Variants in PARD3 observed in about 807,000 individuals in gnomAD.
PARD3 encodes partitioning defective 3 homolog.
Under a neutral mutation model 155.4 loss-of-function variants are expected in PARD3, and 75 were observed. That is an observed-to-expected ratio of 0.48 (90% CI 0.40 to 0.58). The LOEUF (loss-of-function observed/expected upper bound fraction) is 0.58. Ranked by LOEUF, PARD3 falls within the 20% of genes least tolerant of loss-of-function variation. PARD3 has a pLI of 0.00. For missense variants in PARD3, 1,642 were observed against 1,721.7 expected, an observed-to-expected ratio of 0.95 and a Z score of 0.82; for synonymous variants, 576 against 610.5, an observed-to-expected ratio of 0.94 and a Z score of 0.83.
At chr10:34,796,440 T>C (rs1024505655) in intron 1 of PARD3, among the ~76,000 whole-genome samples, 1 of 152,160 alleles carries the variant, frequency 6.6e-6, no homozygotes, top group African/African-American at 2.4e-5. Context: ...AACACCTAAA[T>C]ATAAACTAGG....
At chr10:34,693,018 T>C (rs2094098934) in intron 2 of PARD3, among the ~76,000 whole-genome samples, 1 of 152,032 alleles carries the variant, frequency 6.6e-6, no homozygotes, top group African/African-American at 2.4e-5. Flanking sequence ...CTCACACCAG[T>C]CAGAGTGGCA....
chr10:34,547,658 G>A (rs780294163), intron 2 of PARD3, among the ~76,000 whole-genome samples: 33 of 152,122 alleles, frequency 2.2e-4, no homozygotes, highest in Non-Finnish European at 4.0e-4. Flanking sequence ...CACTGAGTGC[G>A]CTTTCCTTTT....
At chr10:34,378,132 T>A (rs537354971) in intron 9 of PARD3, 26 bp from the exon 10 acceptor site, 2 of 1,543,120 alleles carry the variant, frequency 1.3e-6, no homozygotes, top group African/African-American at 2.8e-5. Flanking sequence ...AGAAGAAAAG[T>A]AAATAAAATG....
At chr10:34,407,415 G>A (rs1185403908) in intron 5 of PARD3, among the ~76,000 whole-genome samples, 5 of 152,172 alleles carry the variant, frequency 3.3e-5, no homozygotes, top group African/African-American at 9.6e-5. Context: ...AGCAGACAGC[G>A]CAGGCGTGTT....
At chr10:34,650,904 G>A (rs747724775) in intron 2 of PARD3, among the ~76,000 whole-genome samples, 2 of 151,360 alleles carry the variant, frequency 1.3e-5, no homozygotes, top group African/African-American at 4.9e-5. Context: ...CCAGCTACTC[G>A]GGAGGCTGAG....
rs16935078 is a variant in PARD3 at position 34,110,757 on chromosome 10, A to C, written c.*412T>G. 4.8e-3 allele frequency: 745 copies of C among 155,988 alleles called. 8 individuals carry two copies. The highest frequency in any genetic ancestry group is 0.017 in the African/African-American group (724 of 41,694). The allele number at this position is 155,988 out of a possible 1,614,324, so 9.7% of individuals were successfully genotyped here. A position where few individuals can be genotyped will look rare whatever the true frequency, so the allele number is the denominator to read the frequency against. On this transcript the variant is annotated 3_prime_UTR_variant, in exon 25 of 25. Transcript: ENST00000374788. ...CCCACTTTTCCTCCACCAGAGACTA[A>C]GATGTCATCCCATAGCTAAGAGAAC... is the stretch of plus-strand genomic sequence containing the variant.
chr10:34,493,418 G>A (rs564102505), intron 3 of PARD3, among the ~76,000 whole-genome samples: 2 of 152,182 alleles, frequency 1.3e-5, no homozygotes, highest in East Asian at 3.9e-4. Flanking sequence ...GAGAGTTGAT[G>A]GTTAAATAAA....
intron 2 of PARD3, chr10:34,676,123 A>T (rs781038681): frequency 2.6e-5 from 4 of 152,532 alleles, no homozygotes; most frequent in Non-Finnish European, 5.9e-5. Flanking sequence ...AGCAGCAGGG[A>T]AAAAGCATGG....
intron 14 of PARD3, among the ~76,000 whole-genome samples, chr10:34,357,867 G>A (rs1839050779): frequency 6.6e-6 from 1 of 152,094 alleles, no homozygotes; most frequent in African/African-American, 2.4e-5. Flanking sequence ...CCTCTATATT[G>A]ACTACCAACT....
At chr10:34,369,393 C>A (rs1439464909) in intron 12 of PARD3, among the ~76,000 whole-genome samples, 1 of 151,482 alleles carries the variant, frequency 6.6e-6, no homozygotes, top group Non-Finnish European at 1.5e-5. Flanking sequence ...TTATGTGTGG[C>A]CCAAGACAAT....
intron 2 of PARD3, among the ~76,000 whole-genome samples, chr10:34,628,113 C>T (rs1038964580): frequency 8.5e-5 from 13 of 152,158 alleles, no homozygotes; most frequent in African/African-American, 2.7e-4. Context: ...ACCCATGCTA[C>T]GTGGGAATAC....
intron 2 of PARD3, among the ~76,000 whole-genome samples, chr10:34,602,229 ACACTTTT>A (rs1356887084): frequency 6.6e-5 from 10 of 152,334 alleles, no homozygotes; most frequent in African/African-American, 2.2e-4. Context: ...ATATATGTTT[ACACTTTT>A]CACTTTTCAA....
At chr10:34,196,291 T>G (rs1181802245) in intron 22 of PARD3, among the ~76,000 whole-genome samples, 1 of 152,214 alleles carries the variant, frequency 6.6e-6, no homozygotes, top group Non-Finnish European at 1.5e-5. Flanking sequence ...TAGAGTGCTT[T>G]AAGCTCCGCT....
intron 2 of PARD3, among the ~76,000 whole-genome samples, chr10:34,517,651 G>A (rs992659672): frequency 3.9e-5 from 6 of 152,086 alleles, no homozygotes; most frequent in Admixed American, 6.6e-5. Context: ...AAATATTCCA[G>A]TTAGTAAATT....
At chr10:34,292,853 A>C (rs1210505598) in intron 20 of PARD3, among the ~76,000 whole-genome samples, 2 of 151,946 alleles carry the variant, frequency 1.3e-5, no homozygotes, top group African/African-American at 4.8e-5. Context: ...GTGCACTCCT[A>C]CTCCAGCATA....
intron 1 of PARD3, among the ~76,000 whole-genome samples, chr10:34,789,497 A>C (rs1841391479): frequency 6.6e-6 from 1 of 152,084 alleles, no homozygotes; most frequent in South Asian, 2.1e-4. Flanking sequence ...CAGGAGTTCA[A>C]GATCAGCCTG....
intron 1 of PARD3, among the ~76,000 whole-genome samples, chr10:34,795,516 G>C (rs958091259): frequency 1.3e-5 from 2 of 151,990 alleles, no homozygotes; most frequent in South Asian, 2.1e-4. Context: ...AGGCTGAGAG[G>C]TGGGAGAATC....
At chr10:34,477,542 T>C (rs1248245806) in intron 3 of PARD3, among the ~76,000 whole-genome samples, 1 of 152,154 alleles carries the variant, frequency 6.6e-6, no homozygotes, top group Non-Finnish European at 1.5e-5. Context: ...TGTCTCTCTC[T>C]AGGTAAGGTG....
At chr10:34,147,415 T>C (rs930705341) in intron 22 of PARD3, among the ~76,000 whole-genome samples, 1 of 149,190 alleles carries the variant, frequency 6.7e-6, no homozygotes, top group African/African-American at 2.4e-5. Context: ...AGTTTTTTCT[T>C]TTTTTCTCTA....
Sources: gnomAD v4.1 joint callset for allele counts (sites outside exome capture counted in the v4.1 genomes callset) on GRCh38, gnomAD v4.1.1 for gene constraint, MANE v1.5 for transcripts, NCBI Gene and HGNC (gene_info 2026-07-23, HGNC 2026-07-21) for gene names.